Variants in PTPRN2 observed in about 807,000 individuals in gnomAD.
PTPRN2 encodes receptor-type tyrosine-protein phosphatase N2.
A neutral mutation model predicts 118.8 loss-of-function variants in PTPRN2; 74 were observed. That is an observed-to-expected ratio of 0.62 (90% CI 0.52 to 0.76). PTPRN2 has a LOEUF of 0.76. Ranked by LOEUF, PTPRN2 falls within the 30% of genes least tolerant of loss-of-function variation. The pLI, the probability that PTPRN2 is intolerant of heterozygous loss-of-function variation, is 0.00. For missense variants in PTPRN2, 1,481 were observed against 1,394.4 expected, an observed-to-expected ratio of 1.06 and a Z score of -0.99; for synonymous variants, 641 against 608.0, an observed-to-expected ratio of 1.05 and a Z score of -0.80.
chr7:158,236,794 G>A lies in PTPRN2; in HGVS notation c.278-31521C>T, dbSNP rs1487130123. On this transcript the variant is annotated intron_variant, in intron 3 of 22. Transcript: ENST00000389418. ...TGTCCCTGCCCGACCACTCTGCTGT[G>A]GGGAAAAGCAAGAGAGATCAGATTG... 4.4e-4 allele frequency among the ~76,000 whole-genome samples: 4 copies of A among 8,996 alleles called. 2 individuals carry two copies. The highest frequency in any genetic ancestry group is 3.7e-3 in the African/African-American group (4 of 1,084). 5.9% of individuals were successfully genotyped at this position (8,996 alleles called of 152,430 possible).
chr7:157,835,684 A>T (rs995398849), intron 12 of PTPRN2, among the ~76,000 whole-genome samples: 1 of 152,206 alleles, frequency 6.6e-6, no homozygotes, highest in Non-Finnish European at 1.5e-5. Flanking sequence ...GTGCACTGCA[A>T]ATGCGTGGGA....
intron 11 of PTPRN2, among the ~76,000 whole-genome samples, chr7:158,050,644 G>A (rs761517515): frequency 2.0e-5 from 3 of 152,116 alleles, no homozygotes; most frequent in South Asian, 2.1e-4. Context: ...GCTCTCCCCC[G>A]TCACGCTGAG....
intron 5 of PTPRN2, among the ~76,000 whole-genome samples, chr7:158,190,704 G>T (rs1455432547): frequency 1.3e-5 from 2 of 152,344 alleles, no homozygotes; most frequent in African/African-American, 4.8e-5. Flanking sequence ...CACAAATATG[G>T]CCCAGGTGCC....
chr7:158,164,782 TAGA>T (rs1292464189), intron 6 of PTPRN2, among the ~76,000 whole-genome samples: 2 of 151,980 alleles, frequency 1.3e-5, no homozygotes, highest in Admixed American at 6.5e-5. Flanking sequence ...GTGACCCCAC[TAGA>T]AGGAGTATAG....
chr7:157,815,017 C>T (rs184810913), intron 12 of PTPRN2, among the ~76,000 whole-genome samples: 4 of 152,358 alleles, frequency 2.6e-5, no homozygotes, highest in African/African-American at 4.8e-5. Context: ...ACCTTCCACA[C>T]GGGGCCCTGC....
intron 21 of PTPRN2, among the ~76,000 whole-genome samples, chr7:157,556,103 T>A (rs1798862826): frequency 6.6e-6 from 1 of 152,204 alleles, no homozygotes; most frequent in Non-Finnish European, 1.5e-5. Flanking sequence ...TCAAGGTAAC[T>A]GTGGTTGGGG....
At position 158,498,847 on chromosome 7, in the gene PTPRN2, C is replaced by T. The variant is rs76037966; in HGVS notation, c.113-9062G>A. ...TGCTGGATTAAAATATAGTATGACCCATGAAAGAACAGTACCAAAAGTGAG... is the reference window on the plus strand; with the variant it reads ...TGCTGGATTAAAATATAGTATGACCTATGAAAGAACAGTACCAAAAGTGAG... On this transcript the variant is annotated intron_variant, in intron 1 of 22. Coordinates refer to ENST00000389418, the MANE Select transcript of PTPRN2 (RefSeq NM_002847.5). 1.7e-3 allele frequency among the ~76,000 whole-genome samples: 257 copies of T among 152,244 alleles called. 7 individuals are homozygous for T. The East Asian group carries it at 0.034, about 20-fold the overall frequency.
In PTPRN2 at chr7:158,150,346, C is replaced by G. The variant is rs117242039; in HGVS notation, c.911-11831G>C. On this transcript the variant is annotated intron_variant, in intron 6 of 22. Coordinates refer to ENST00000389418, the MANE Select transcript of PTPRN2 (RefSeq NM_002847.5). ...GACAAGCATGTTCCATTTCTGAGTA[C>G]CTGGGCTCACCAAGGGTGTACCCCA... Among the ~76,000 whole-genome samples, 648 of 152,354 alleles carry G rather than the reference C, an allele frequency of 4.3e-3. 13 individuals carry two copies. In the East Asian group the frequency reaches 0.057, roughly 13 times the overall value.
chr7:158,238,631 T>A (rs1795707523), intron 3 of PTPRN2, among the ~76,000 whole-genome samples: 1 of 152,154 alleles, frequency 6.6e-6, no homozygotes, highest in Non-Finnish European at 1.5e-5. Flanking sequence ...ACTTCCCAGG[T>A]CATGTTATTA....
intron 6 of PTPRN2, among the ~76,000 whole-genome samples, chr7:158,143,439 G>A (rs550662819): frequency 3.9e-5 from 6 of 152,340 alleles, no homozygotes; most frequent in East Asian, 1.9e-4. Context: ...CTTAGGAGGC[G>A]AGGGATGTCT....
At chr7:158,033,348 C>T (rs551303589) in intron 11 of PTPRN2, among the ~76,000 whole-genome samples, 1 of 152,278 alleles carries the variant, frequency 6.6e-6, no homozygotes, top group Non-Finnish European at 1.5e-5. Flanking sequence ...TCGTTTTAGC[C>T]ATGTTGTGTG....
At chr7:157,889,208 G>A (rs1796655496) in intron 12 of PTPRN2, among the ~76,000 whole-genome samples, 1 of 152,048 alleles carries the variant, frequency 6.6e-6, no homozygotes, top group African/African-American at 2.4e-5. Context: ...TTGGGACCGT[G>A]ACAGGATGAA....
intron 12 of PTPRN2, among the ~76,000 whole-genome samples, chr7:157,767,643 C>T (rs1802564448): frequency 6.6e-6 from 1 of 152,172 alleles, no homozygotes; most frequent in Admixed American, 6.5e-5. Flanking sequence ...AGTCTGCCTT[C>T]CGTGGTCACA....
chr7:158,105,735 C>A (rs1189621334), intron 10 of PTPRN2, among the ~76,000 whole-genome samples: 2 of 152,028 alleles, frequency 1.3e-5, no homozygotes, highest in African/African-American at 4.8e-5. Context: ...CAGCTCTATC[C>A]ATCTCCATTG....
intron 12 of PTPRN2, among the ~76,000 whole-genome samples, chr7:157,872,462 T>C (rs111669726): frequency 0.047 from 3,109 of 65,758 alleles, 125 homozygotes; most frequent in East Asian, 0.17. Context: ...CACACGCATA[T>C]CCAGTGTCCT....
chr7:158,394,059 G>A (rs1812143676), intron 2 of PTPRN2, among the ~76,000 whole-genome samples: 2 of 141,846 alleles, frequency 1.4e-5, no homozygotes, highest in South Asian at 2.3e-4. Context: ...TCACAGATGC[G>A]TGGCCCCCCT....
At chr7:158,404,200 G>C (rs780419361) in intron 2 of PTPRN2, among the ~76,000 whole-genome samples, 11 of 152,226 alleles carry the variant, frequency 7.2e-5, no homozygotes, top group Admixed American at 3.3e-4. Flanking sequence ...CCTTTCACTG[G>C]ACGTCACCAG....
chr7:157,934,429 G>T (rs767865709), intron 11 of PTPRN2, among the ~76,000 whole-genome samples: 1 of 152,228 alleles, frequency 6.6e-6, no homozygotes, highest in African/African-American at 2.4e-5. Flanking sequence ...AGCCATGGGA[G>T]CAGAGAGAGG....
rs138807713 is a variant in PTPRN2 at position 157,629,918 on chromosome 7, G to A, written c.2197-8409C>T. ...TTGTGTGTTGAAGTCACAAGTTAGA[G>A]TAATGCTTTTAAAAGCAAGGACTAA... On this transcript the variant is annotated intron_variant, in intron 14 of 22. Coordinates refer to ENST00000389418, the MANE Select transcript of PTPRN2 (RefSeq NM_002847.5). This position sits in a 1 kb window ranked among gnomAD's most constrained non-coding sequence, Gnocchi z 4.4. Among the ~76,000 whole-genome samples, 1,948 of 152,302 alleles carry A rather than the reference G, an allele frequency of 0.013. 30 individuals are homozygous for A. Among genetic ancestry groups the A allele is most frequent in the African/African-American group, 0.045 (1,855 of 41,572 alleles).
Sources: allele counts gnomAD v4.1 joint callset (sites outside exome capture counted in the v4.1 genomes callset), GRCh38; gene constraint gnomAD v4.1.1; non-coding constraint Gnocchi (gnomAD v3.1); transcripts MANE v1.5; gene names NCBI Gene and HGNC (gene_info 2026-07-23, HGNC 2026-07-21).